Variants in NOL10 observed in about 807,000 individuals in gnomAD.
NOL10 encodes the protein nucleolar protein 10, also known as H_NH0074G24.1.
A neutral mutation model predicts 103.5 loss-of-function variants in NOL10; 58 were observed. The ratio of observed to expected loss-of-function variants is 0.56; its 90% CI spans 0.45 to 0.70. The LOEUF (loss-of-function observed/expected upper bound fraction) is 0.70, where lower values mean the gene tolerates loss of function less well. Ranked by LOEUF, NOL10 falls within the 30% of genes least tolerant of loss-of-function variation. The pLI, the probability that NOL10 is intolerant of heterozygous loss-of-function variation, is 0.00. For missense variants in NOL10, 763 were observed against 807.3 expected, an observed-to-expected ratio of 0.95 and a Z score of 0.67; for synonymous variants, 287 against 282.5, an observed-to-expected ratio of 1.02 and a Z score of -0.16.
At chr2:10,652,461 A>C (rs1222066392) in intron 12 of NOL10, among the ~76,000 whole-genome samples, 2 of 152,100 alleles carry the variant, frequency 1.3e-5, no homozygotes, top group Non-Finnish European at 2.9e-5. Context: ...TAAAATATTA[A>C]ATAAGTTTGT....
rs187746361 is a variant in NOL10, at chr2:10,670,981, C to T, written c.464+573G>A. 9.8e-5 allele frequency among the ~76,000 whole-genome samples: 15 copies of T among 152,296 alleles called. No homozygotes were observed. The East Asian group carries it at 2.7e-3, about 27-fold the overall frequency. The stretch of plus-strand genomic sequence containing the variant: ...TACATAATGAAAGATGCTTTAAATG[C>T]TTTTGTCATTTCATGCAAATCAAAT... On this transcript the variant is annotated intron_variant, in intron 6 of 20. Coordinates refer to ENST00000381685, the MANE Select transcript of NOL10 (RefSeq NM_024894.4).
chr2:10,678,990 C>G (rs981919853), intron 3 of NOL10, among the ~76,000 whole-genome samples: 1 of 152,126 alleles, frequency 6.6e-6, no homozygotes, highest in East Asian at 1.9e-4. Context: ...CTTTGAGAGA[C>G]AGGCGGACAA....
chr2:10,630,248 A>C (rs1001269204), intron 13 of NOL10, among the ~76,000 whole-genome samples: 1 of 152,244 alleles, frequency 6.6e-6, no homozygotes. Context: ...TCAAGAAACT[A>C]GTGTTCGGAG....
intron 3 of NOL10, among the ~76,000 whole-genome samples, 185 bp downstream of exon 3, chr2:10,681,786 G>A (rs1021849835): frequency 6.6e-6 from 1 of 152,014 alleles, no homozygotes; most frequent in African/African-American, 2.4e-5. Flanking sequence ...ATACTGCAGA[G>A]TAAACTATTT....
chr2:10,678,427 A>C (rs949122680), intron 3 of NOL10, among the ~76,000 whole-genome samples: 8 of 140,980 alleles, frequency 5.7e-5, no homozygotes, highest in African/African-American at 2.0e-4. Context: ...GTGGTAAAAA[A>C]AAAAAAAAAC....
chr2:10,643,268 A>T (rs1572360194), intron 13 of NOL10, among the ~76,000 whole-genome samples: 1 of 152,204 alleles, frequency 6.6e-6, no homozygotes, highest in East Asian at 1.9e-4. Flanking sequence ...GTGTGAAAAT[A>T]CATAACTGAG....
rs748583045 is a variant in NOL10 at position 10,689,783 on chromosome 2, G to A, written c.66+13C>T. 13 of 1,597,168 alleles carry A rather than the reference G, an allele frequency of 8.1e-6. No individual in the cohort carries two copies. In the South Asian group the frequency reaches 1.4e-4, roughly 17 times the overall value. ...CAAGAGCTCGAGAGTGAGGGGGCCG[G>A]GAAGTGACTCACCTCAGGAAGGGAC... On this transcript the variant is annotated intron_variant, in intron 1 of 20. Coordinates refer to ENST00000381685, the MANE Select transcript of NOL10 (RefSeq NM_024894.4).
At chr2:10,680,485 T>C (rs1305290584) in intron 3 of NOL10, among the ~76,000 whole-genome samples, 7 of 152,158 alleles carry the variant, frequency 4.6e-5, no homozygotes, top group African/African-American at 1.7e-4. Flanking sequence ...CAAATCTATA[T>C]CCTAGCTTTC....
intron 13 of NOL10, among the ~76,000 whole-genome samples, chr2:10,630,933 T>C (rs1401108046): frequency 6.6e-6 from 1 of 152,210 alleles, no homozygotes; most frequent in Non-Finnish European, 1.5e-5. Context: ...TGTATGCTGA[T>C]AAATTCCCTA....
Position 10,570,970 on chromosome 2 carries a change from T to TA in NOL10, c.*1100_*1101insT, listed in dbSNP as rs1430438089. ...GGACCAGAAGTCTTTTAGACTTTGG[T>TA]TTTTTTGTGTGTTTTGGAATATCTG... On this transcript the variant is annotated 3_prime_UTR_variant, in exon 21 of 21. Transcript: ENST00000381685. The TA allele has an allele frequency of 6.6e-6, 1 of 152,086 alleles. No individual in the cohort carries two copies. Among genetic ancestry groups the TA allele is most frequent in the African/African-American group, 2.4e-5 (1 of 41,404 alleles). 9.4% of individuals were successfully genotyped at this position (152,086 alleles called of 1,614,324 possible). A position where few individuals can be genotyped will look rare whatever the true frequency, so the allele number is the denominator to read the frequency against.
intron 2 of NOL10, 77 bp downstream of exon 2, chr2:10,684,488 TTA>T (rs1682008881): frequency 8.9e-7 from 1 of 1,122,920 alleles, no homozygotes; most frequent in Non-Finnish European, 1.3e-6. Context: ...AAATCCTCAC[TTA>T]TATATAACAG....
At chr2:10,651,946 G>C (rs1051725436) in intron 12 of NOL10, among the ~76,000 whole-genome samples, 5 of 152,154 alleles carry the variant, frequency 3.3e-5, no homozygotes, top group African/African-American at 1.2e-4. Flanking sequence ...TGTGCAATTA[G>C]AAACAGCATG....
At chr2:10,614,542 T>C (rs151026866) in intron 13 of NOL10, among the ~76,000 whole-genome samples, 97 of 152,314 alleles carry the variant, frequency 6.4e-4, no homozygotes, top group Non-Finnish European at 1.0e-3. Context: ...TCAAATCATA[T>C]TAACATCTCT....
intron 13 of NOL10, among the ~76,000 whole-genome samples, chr2:10,613,914 C>T (rs1676701230): frequency 6.6e-6 from 1 of 151,158 alleles, no homozygotes; most frequent in Non-Finnish European, 1.5e-5. Context: ...ATAATAATAG[C>T]ACTAGCAACC....
intron 12 of NOL10, among the ~76,000 whole-genome samples, chr2:10,645,544 T>C (rs1678999484): frequency 2.0e-5 from 3 of 151,456 alleles, no homozygotes; most frequent in African/African-American, 7.3e-5. Flanking sequence ...TTTTTTTTTT[T>C]TTTTTTGAGA....
intron 3 of NOL10, among the ~76,000 whole-genome samples, chr2:10,677,972 C>CAA (rs1409916082): frequency 7.1e-6 from 1 of 141,644 alleles, no homozygotes; most frequent in Non-Finnish European, 1.5e-5. Context: ...CACACACACA[C>CAA]ACACACACAT....
chr2:10,574,540 G>A (rs931301219), intron 20 of NOL10, among the ~76,000 whole-genome samples: 2 of 151,916 alleles, frequency 1.3e-5, no homozygotes, highest in African/African-American at 2.4e-5. Context: ...CCAGCTACTC[G>A]GGAGGCTGAG....
At chr2:10,576,913 GA>G (rs141148925) in intron 20 of NOL10, among the ~76,000 whole-genome samples, 2 of 150,582 alleles carry the variant, frequency 1.3e-5, no homozygotes, top group East Asian at 1.9e-4. Flanking sequence ...ACTGCTTAAG[GA>G]AAAAAAAAGG....
intron 10 of NOL10, 137 bp downstream of exon 10, chr2:10,659,035 C>A (rs1235041390): frequency 2.1e-5 from 14 of 663,412 alleles, no homozygotes; most frequent in African/African-American, 3.6e-5. Context: ...TGGAAGAATC[C>A]AGCATTCTGG....
Sources: allele counts gnomAD v4.1 joint callset (sites outside exome capture counted in the v4.1 genomes callset), GRCh38; gene constraint gnomAD v4.1.1; transcripts MANE v1.5; gene names NCBI Gene and HGNC (gene_info 2026-07-23, HGNC 2026-07-21).